RADX: variants seen among roughly 807,000 people sequenced by gnomAD.
RADX encodes the protein RPA-related protein RADX.
In RADX, 36 loss-of-function variants were observed where a neutral mutation model predicts 61.6. The ratio of observed to expected loss-of-function variants is 0.58; its 90% confidence interval spans 0.45 to 0.77. The LOEUF (loss-of-function observed/expected upper bound fraction) is 0.77. RADX is among the 30% of genes least tolerant of loss of function. The probability of loss-of-function intolerance (pLI) is 0.00; values close to 1 mark genes in which losing one functional copy is unlikely to be tolerated. For synonymous variants in RADX, 272 were observed against 237.9 expected (o/e 1.14, Z -1.32); for missense variants, 497 against 651.1 (o/e 0.76, Z 2.58).
At chrX:106,675,132 G>C (rs758400775) in intron 13 of RADX, among the ~76,000 whole-genome samples, 1 of 111,382 alleles carries the variant, frequency 9.0e-6, no homozygotes, top group African/African-American at 3.3e-5. Context: ...TATCCTACTT[G>C]GTGTCATCTT....
At chrX:106,674,595 G>A (rs942189553) in intron 13 of RADX, among the ~76,000 whole-genome samples, 4 of 111,773 alleles carry the variant, frequency 3.6e-5, no homozygotes, top group African/African-American at 6.5e-5. Context: ...CTGCCCATTC[G>A]TATGTCTTCT....
chrX:106,615,515 T>C (rs891772969), intron 1 of RADX, among the ~76,000 whole-genome samples: 3 of 111,840 alleles, frequency 2.7e-5, no homozygotes, highest in African/African-American at 9.8e-5. Flanking sequence ...TTCTGGAAAG[T>C]TTCTTCCCAT....
At chrX:106,673,151 C>G (rs1434305422) in intron 13 of RADX, among the ~76,000 whole-genome samples, 1 of 111,714 alleles carries the variant, frequency 9.0e-6, no homozygotes, top group Non-Finnish European at 1.9e-5. Context: ...ATCTAACATG[C>G]AAGACAAAGT....
chrX:106,672,400 T>C (rs112768776), intron 13 of RADX, among the ~76,000 whole-genome samples: 12,020 of 111,101 alleles, frequency 0.11, 1,638 homozygotes, highest in African/African-American at 0.38. Context: ...AGTGATGGTC[T>C]TGGACAAGAT....
chrX:106,628,609 T>C (rs374582993), intron 3 of RADX, among the ~76,000 whole-genome samples: 24 of 110,778 alleles, frequency 2.2e-4, no homozygotes, highest in African/African-American at 6.6e-4. Flanking sequence ...TTTTCATATT[T>C]CCACACATAG....
chrX:106,637,694 G>A, intron 7 of RADX, 66 bp from the exon 8 acceptor site: 1 of 945,488 alleles, frequency 1.1e-6, no homozygotes, highest in Non-Finnish European at 1.4e-6. Flanking sequence ...ACAAAAATTT[G>A]CATACAGATT....
intron 10 of RADX, among the ~76,000 whole-genome samples, chrX:106,642,303 T>C (rs1454460631): frequency 9.0e-6 from 1 of 111,308 alleles, no homozygotes; most frequent in African/African-American, 3.3e-5. Context: ...TAAGTTATTA[T>C]GGACTATAGT....
At chrX:106,637,256 G>A (rs1262430927) in intron 7 of RADX, among the ~76,000 whole-genome samples, 1 of 111,586 alleles carries the variant, frequency 9.0e-6, no homozygotes, top group Non-Finnish European at 1.9e-5. Context: ...CCTAGGAAAG[G>A]TGTAACATAC....
chrX:106,674,792 A>G (rs3859928), intron 13 of RADX, among the ~76,000 whole-genome samples: 12,131 of 111,235 alleles, frequency 0.11, 1,647 homozygotes, highest in African/African-American at 0.38. Flanking sequence ...TTGGGAGGCC[A>G]AGGCGGGCGG....
rs765908904 is a variant in RADX at position 106,672,215 on chromosome X, T to C, written c.2437+2885T>C. ...GACACTAAGTACATTTACAATGTTG[T>C]GCAACCATCACCACTATTCATTTCC... is the stretch of plus-strand genomic sequence containing the variant. On this transcript the variant is annotated intron_variant, in intron 13 of 13. Transcript: ENST00000372548. Among the ~76,000 whole-genome samples, 7 of 112,135 alleles carry C rather than the reference T, an allele frequency of 6.2e-5. No individual in the cohort carries two copies. In the East Asian group the frequency reaches 2.0e-3, roughly 31 times the overall value.
chrX:106,669,695 A>C (rs909368794), intron 13 of RADX, among the ~76,000 whole-genome samples: 5 of 111,799 alleles, frequency 4.5e-5, no homozygotes, highest in Non-Finnish European at 9.4e-5. Flanking sequence ...TGAAATTACA[A>C]TAACTCTATA....
At chrX:106,615,051 A>G (rs1008191146) in intron 1 of RADX, among the ~76,000 whole-genome samples, 4 of 111,484 alleles carry the variant, frequency 3.6e-5, no homozygotes, top group Non-Finnish European at 5.6e-5. Flanking sequence ...TTTTAAAAAT[A>G]GAAGTTAGCC....
At chrX:106,637,697 T>C in intron 7 of RADX, 63 bp from the exon 8 acceptor site, 1 of 974,046 alleles carries the variant, frequency 1.0e-6, no homozygotes, top group Non-Finnish European at 1.4e-6. Flanking sequence ...AAAATTTGCA[T>C]ACAGATTGTT....
At chrX:106,643,719 A>G (rs1337484494) in intron 10 of RADX, among the ~76,000 whole-genome samples, 2 of 111,297 alleles carry the variant, frequency 1.8e-5, no homozygotes, top group African/African-American at 3.3e-5. Flanking sequence ...GATATATCAC[A>G]TTGATTTGCA....
At chrX:106,616,613 G>T (rs1476320300) in intron 1 of RADX, among the ~76,000 whole-genome samples, 1 of 110,937 alleles carries the variant, frequency 9.0e-6, no homozygotes, top group South Asian at 3.8e-4. Context: ...ATTGTTACTC[G>T]TTATTTATAT....
intron 11 of RADX, among the ~76,000 whole-genome samples, chrX:106,657,138 C>T (rs1412340984): frequency 1.8e-5 from 2 of 112,508 alleles, no homozygotes; most frequent in Admixed American, 1.9e-4. Flanking sequence ...GCAGCTTCTA[C>T]ATCAGAACTT....
chrX:106,669,258 A>G lies in RADX; in HGVS notation c.2365A>G (p.Met789Val), dbSNP rs748404348. 8.3e-7 allele frequency: 1 copy of G among 1,202,908 alleles called. No homozygotes were observed. Among genetic ancestry groups the G allele is most frequent in the South Asian group, 1.8e-5 (1 of 56,721 alleles). Residue 789 changes from methionine to valine, a missense_variant, in exon 13 of 14, where the codon ATG becomes GTG. By Grantham distance (21) the Met-to-Val change is conservative. Coordinates refer to ENST00000372548, the MANE Select transcript of RADX (RefSeq NM_018015.6). ...TSQIDTLLTS[M>V]NYSCAYPQDT... is the part of the protein sequence containing the mutation. Reference sequence around the variant, plus strand: ...TCAAATAGACACACTGTTGACCTCCATGAATTACAGCTGTGCATATCCACA... The same window carrying G: ...TCAAATAGACACACTGTTGACCTCCGTGAATTACAGCTGTGCATATCCACA...
chrX:106,646,219 A>G (rs1927656835), intron 10 of RADX, among the ~76,000 whole-genome samples: 1 of 110,834 alleles, frequency 9.0e-6, no homozygotes. Flanking sequence ...TATGTTTCTC[A>G]TAAGCAACAG....
At chrX:106,659,534 T>C (rs1928036223) in intron 11 of RADX, among the ~76,000 whole-genome samples, 1 of 111,977 alleles carries the variant, frequency 8.9e-6, no homozygotes, top group African/African-American at 3.2e-5. Context: ...ATTTTAGCTA[T>C]GCATTAAGCT....
Sources: allele counts gnomAD v4.1 joint callset (sites outside exome capture counted in the v4.1 genomes callset), GRCh38; gene constraint gnomAD v4.1.1; transcripts MANE v1.5; gene names NCBI Gene and HGNC (gene_info 2026-07-23, HGNC 2026-07-21).